Variants in CFAP61 observed in about 807,000 individuals in gnomAD.
CFAP61 encodes cilia and flagella associated protein 61.
Under a neutral mutation model 135.6 loss-of-function variants are expected in CFAP61, and 107 were observed. The ratio of observed to expected loss-of-function variants is 0.79; its 90% confidence interval spans 0.67 to 0.93. The LOEUF (loss-of-function observed/expected upper bound fraction) is 0.93, where lower values mean the gene tolerates loss of function less well. Ranked by LOEUF, CFAP61 falls within the 40% of genes least tolerant of loss-of-function variation. The pLI is 0.00. For synonymous variants in CFAP61, 575 were observed against 578.5 expected (o/e 0.99, Z 0.09); for missense variants, 1,507 against 1,556.2 (o/e 0.97, Z 0.53).
intron 26 of CFAP61, among the ~76,000 whole-genome samples, chr20:20,344,410 T>C (rs1390830611): frequency 6.6e-6 from 1 of 152,164 alleles, no homozygotes; most frequent in African/African-American, 2.4e-5. Flanking sequence ...GAAAATAAAA[T>C]AAAATGAATA....
intron 26 of CFAP61, among the ~76,000 whole-genome samples, chr20:20,343,340 C>T (rs1052787898): frequency 6.6e-6 from 1 of 152,228 alleles, no homozygotes; most frequent in African/African-American, 2.4e-5. Flanking sequence ...AACTGTAAAT[C>T]ATTTCCTAAT....
intron 21 of CFAP61, among the ~76,000 whole-genome samples, chr20:20,275,910 G>A (rs1034894401): frequency 4.6e-5 from 7 of 152,176 alleles, no homozygotes; most frequent in African/African-American, 1.7e-4. Context: ...ACCAAGGAAT[G>A]TTGCATTGTA....
At chr20:20,089,753 A>G (rs1381639815) in intron 6 of CFAP61, among the ~76,000 whole-genome samples, 1 of 152,086 alleles carries the variant, frequency 6.6e-6, no homozygotes, top group Non-Finnish European at 1.5e-5. Flanking sequence ...TTTTGTTCCC[A>G]CCTGCCACCG....
rs375388923 is a variant in CFAP61, at chr20:20,142,901, G to A, written c.904G>A (p.Glu302Lys). The A allele has an allele frequency of 2.9e-5, 46 of 1,604,462 alleles. 1 individual carries two copies. The highest frequency in any genetic ancestry group is 6.7e-5 in the East Asian group (3 of 44,686). The part of the protein sequence containing the change: ...SSSQGSQKIV[E>K]ELQEPVSPDT... ...CAGCCAAGGTTCCCAAAAAATAGTC[G>A]AGGAGTTGCAGGAACCTGTCTCTCC... The change falls in exon 9 of 27, where the codon GAG becomes AAG. Residue 302 changes from glutamate to lysine, a missense_variant. Transcript: ENST00000245957.
At position 20,252,138 on chromosome 20, in the gene CFAP61, T is replaced by C. The variant is rs535394934; in HGVS notation, c.2328+375T>C. 3.0e-4 allele frequency among the ~76,000 whole-genome samples: 45 copies of C among 152,356 alleles called. 1 individual carries two copies. The Middle Eastern group carries it at 0.014, about 46-fold the overall frequency. The stretch of plus-strand genomic sequence containing the variant: ...GCCTCAAGAGGCTAACATTTGGCTG[T>C]GGCAATGGGCTCTCGCAAAAGTATT... On this transcript the variant is annotated intron_variant, in intron 20 of 26. Transcript: ENST00000245957.
intron 24 of CFAP61, among the ~76,000 whole-genome samples, chr20:20,295,324 C>G (rs1472819573): frequency 2.0e-5 from 3 of 152,078 alleles, no homozygotes; most frequent in Non-Finnish European, 4.4e-5. Flanking sequence ...CCCCTTGACA[C>G]CTGGGCTCCC....
chr20:20,078,523 G>A (rs1030459014), intron 6 of CFAP61, among the ~76,000 whole-genome samples: 2 of 152,136 alleles, frequency 1.3e-5, no homozygotes, highest in East Asian at 3.8e-4. Flanking sequence ...GGAGAAGGTA[G>A]GAAATAGAAA....
At chr20:20,072,091 C>CTTTTTTTTTTTTTTTTTTTTTTTT (rs71198039) in intron 3 of CFAP61, among the ~76,000 whole-genome samples, 1 of 57,606 alleles carries the variant, frequency 1.7e-5, no homozygotes, top group Non-Finnish European at 3.5e-5. Context: ...ATCTAGCAAT[C>CTTTTTTTTTTTTTTTTTTTTTTTT]TTTTTTTTTT....
intron 8 of CFAP61, among the ~76,000 whole-genome samples, chr20:20,130,764 G>C (rs771349604): frequency 3.3e-5 from 5 of 151,776 alleles, no homozygotes; most frequent in Non-Finnish European, 5.9e-5. Flanking sequence ...GGGACCTGTG[G>C]AACAAATCTC....
intron 14 of CFAP61, among the ~76,000 whole-genome samples, chr20:20,190,584 CCA>C (rs1026555954): frequency 6.6e-6 from 1 of 151,254 alleles, no homozygotes; most frequent in African/African-American, 2.4e-5. Context: ...ACTTCATACA[CCA>C]CACACACACA....
chr20:20,107,930 CTT>C (rs1379935350), intron 8 of CFAP61, among the ~76,000 whole-genome samples: 62 of 151,970 alleles, frequency 4.1e-4, no homozygotes, highest in Admixed American at 4.0e-3. Flanking sequence ...CCCAGCCTGT[CTT>C]TTTTATTGAG....
intron 25 of CFAP61, among the ~76,000 whole-genome samples, chr20:20,335,904 A>C (rs1340821638): frequency 6.6e-6 from 1 of 152,242 alleles, no homozygotes; most frequent in Non-Finnish European, 1.5e-5. Context: ...TGGGTTACAC[A>C]GAACTATGGG....
intron 12 of CFAP61, 25 bp from the exon 13 acceptor site, chr20:20,169,294 CTG>C (rs755551643): frequency 6.3e-7 from 1 of 1,585,656 alleles, no homozygotes; most frequent in South Asian, 1.2e-5. Flanking sequence ...TATTCTTTCT[CTG>C]TGTCCTGGTT....
intron 18 of CFAP61, among the ~76,000 whole-genome samples, chr20:20,231,320 C>T (rs545759672): frequency 6.6e-6 from 1 of 152,230 alleles, no homozygotes; most frequent in East Asian, 1.9e-4. Flanking sequence ...TGCGTCTTGT[C>T]CTTCCTAGGA....
intron 17 of CFAP61, among the ~76,000 whole-genome samples, chr20:20,208,696 C>T (rs562566836): frequency 1.2e-3 from 186 of 152,340 alleles, no homozygotes; most frequent in African/African-American, 4.3e-3. Flanking sequence ...AGATGCCATC[C>T]TCTAGCTTTG....
At chr20:20,256,176 C>G (rs1222639333) in intron 20 of CFAP61, among the ~76,000 whole-genome samples, 1 of 152,138 alleles carries the variant, frequency 6.6e-6, no homozygotes, top group Non-Finnish European at 1.5e-5. Flanking sequence ...CCACAGCACA[C>G]AGAATAAAAG....
Position 20,191,376 on chromosome 20 carries a change from T to C in CFAP61, c.1547T>C (p.Val516Ala). 1.9e-6 allele frequency: 3 copies of C among 1,613,510 alleles called. No homozygotes were observed. Among genetic ancestry groups the C allele is most frequent in the East Asian group, 2.2e-5 (1 of 44,864 alleles). ...CTGCTGCAGGCATTTGTAGCTGAAG[T>C]TGCAGAACAAATAGTTGGTATTGCA... Reference protein sequence around the residue: ...GTLLQAFVAEVAEQIVGIAVI... With the variant: ...GTLLQAFVAEAAEQIVGIAVI... The change falls in exon 15 of 27, where the codon GTT (valine) becomes GCT (alanine). Residue 516 changes from valine to alanine, a missense_variant. Physicochemically the swap from Val to Ala is moderately conservative, Grantham distance 64. Transcript: ENST00000245957.
intron 25 of CFAP61, chr20:20,323,354 A>G (rs2057611778): frequency 5.1e-6 from 5 of 971,460 alleles, no homozygotes; most frequent in Non-Finnish European, 6.1e-6. Flanking sequence ...TTCAAACACA[A>G]TTTGTTCCTA....
At chr20:20,100,114 C>T (rs558041317) in intron 8 of CFAP61, among the ~76,000 whole-genome samples, 2 of 151,938 alleles carry the variant, frequency 1.3e-5, no homozygotes, top group Non-Finnish European at 2.9e-5. Flanking sequence ...AGTCTGGAAC[C>T]ATAAGTTGTC....
Sources: allele counts gnomAD v4.1 joint callset (sites outside exome capture counted in the v4.1 genomes callset), GRCh38; gene constraint gnomAD v4.1.1; transcripts MANE v1.5; gene names NCBI Gene and HGNC (gene_info 2026-07-23, HGNC 2026-07-21).